METTL16: variants seen among roughly 807,000 people sequenced by gnomAD.
METTL16 encodes the protein RNA N(6)-adenosine-methyltransferase METTL16.
In METTL16, 19 loss-of-function variants were observed where a neutral mutation model predicts 57.9. The ratio of observed to expected loss-of-function variants is 0.33; its 90% confidence interval spans 0.23 to 0.48. The LOEUF is 0.48. Among genes scored for constraint, METTL16 ranks in the 20% least tolerant of loss-of-function variants. The pLI is 0.99. For synonymous variants in METTL16, 246 were observed against 255.6 expected (o/e 0.96, Z 0.36); for missense variants, 434 against 691.5 (o/e 0.63, Z 4.18).
At chr17:2,486,193 T>A (rs1192521690) in intron 2 of METTL16, among the ~76,000 whole-genome samples, 3 of 151,896 alleles carry the variant, frequency 2.0e-5, no homozygotes, top group Admixed American at 6.6e-5. Flanking sequence ...ATAATTAGAG[T>A]GACCATATAA....
rs376337997 is a variant in METTL16, at chr17:2,482,747, T to C, written c.129-4862A>G. On this transcript the variant is annotated intron_variant, in intron 2 of 9. Coordinates refer to ENST00000263092, the MANE Select transcript of METTL16 (RefSeq NM_024086.4). The stretch of plus-strand genomic sequence containing the variant: ...CATGGCGAAAGCCCGTCTCTACAAA[T>C]AGTACAAAAATTAGCTGGATGTGGA... Among the ~76,000 whole-genome samples the C allele has an allele frequency of 3.9e-5, 6 of 152,058 alleles. 1 individual carries two copies. In the East Asian group the frequency reaches 5.8e-4, roughly 15 times the overall value.
chr17:2,470,253 G>A (rs1334790812), intron 4 of METTL16, among the ~76,000 whole-genome samples: 1 of 151,608 alleles, frequency 6.6e-6, no homozygotes, highest in South Asian at 2.1e-4. Context: ...TCAGCACTAT[G>A]TTTAGGGACT....
rs557674881 is a variant in METTL16, at chr17:2,511,835, T to G, written c.-77A>C. The G allele has an allele frequency of 1.4e-4, 56 of 398,518 alleles. No individual in the cohort carries two copies. The highest frequency in any genetic ancestry group is 1.0e-3 in the Admixed American group (23 of 22,718). The allele number at this position is 398,518 out of a possible 1,614,324, so 24.7% of individuals were successfully genotyped here. ...ACCCTAGAATCTTAAAGCAGCCGCA[T>G]AGCGAAGCTCCTAGAAACGCAGATG... On this transcript the variant is annotated 5_prime_UTR_variant, in exon 1 of 10. The change abolishes an upstream ATG in the 5' untranslated region. Coordinates refer to ENST00000263092, the MANE Select transcript of METTL16 (RefSeq NM_024086.4).
At chr17:2,425,558 G>C (rs572364374) in intron 8 of METTL16, among the ~76,000 whole-genome samples, 2 of 152,198 alleles carry the variant, frequency 1.3e-5, no homozygotes, top group East Asian at 3.9e-4. Flanking sequence ...AATAAGAGAG[G>C]AACTGCAAGC....
At chr17:2,463,362 T>C (rs1413420224) in intron 6 of METTL16, among the ~76,000 whole-genome samples, 3 of 152,242 alleles carry the variant, frequency 2.0e-5, no homozygotes, top group African/African-American at 7.2e-5. Context: ...GTAATATACA[T>C]GATTACAGTA....
At chr17:2,439,813 A>C (rs2066934056) in intron 7 of METTL16, among the ~76,000 whole-genome samples, 1 of 152,150 alleles carries the variant, frequency 6.6e-6, no homozygotes, top group African/African-American at 2.4e-5. Context: ...AGCCCTAAAA[A>C]TATAAAACTT....
At chr17:2,475,741 T>A (rs578207709) in intron 3 of METTL16, among the ~76,000 whole-genome samples, 41 of 152,314 alleles carry the variant, frequency 2.7e-4, no homozygotes, top group Middle Eastern at 3.4e-3. Flanking sequence ...AAGTACATAA[T>A]GGTAGAATTA....
intron 4 of METTL16, among the ~76,000 whole-genome samples, chr17:2,468,661 G>T (rs1476468179): frequency 6.6e-6 from 1 of 152,204 alleles, no homozygotes. Flanking sequence ...CGGGAGAACT[G>T]CTTGAGACCA....
In METTL16 at chr17:2,451,555, A is replaced by G. The variant is rs933086711; in HGVS notation, c.729-9996T>C. Among the ~76,000 whole-genome samples the G allele has an allele frequency of 7.3e-5, 11 of 151,310 alleles. No individual in the cohort carries two copies. The East Asian group carries it at 7.8e-4, about 11-fold the overall frequency. The stretch of plus-strand genomic sequence containing the variant: ...AGAATCGCTTGAACCCAGGAGGCGG[A>G]GGTTGCAGTGAGCTGAGATGGTGGC... On this transcript the variant is annotated intron_variant, in intron 6 of 9. Transcript: ENST00000263092.
intron 3 of METTL16, 54 bp downstream of exon 3, chr17:2,477,632 T>G (rs567639677): frequency 7.5e-7 from 1 of 1,336,066 alleles, no homozygotes; most frequent in East Asian, 2.3e-5. Flanking sequence ...AAGAATTTGA[T>G]CTCGCAAAAC....
At chr17:2,491,602 A>C (rs2044169) in intron 2 of METTL16, among the ~76,000 whole-genome samples, 2 of 151,792 alleles carry the variant, frequency 1.3e-5, no homozygotes, top group Non-Finnish European at 2.9e-5. Flanking sequence ...TTGGCCGGGC[A>C]CGGTGGCTCA....
chr17:2,493,130 T>TTC (rs1491122270), intron 2 of METTL16, among the ~76,000 whole-genome samples: 2 of 98,338 alleles, frequency 2.0e-5, no homozygotes. Flanking sequence ...GTGATTCTTC[T>TTC]TTTTTTTTTT....
At chr17:2,488,565 A>C (rs966845136) in intron 2 of METTL16, among the ~76,000 whole-genome samples, 2 of 152,078 alleles carry the variant, frequency 1.3e-5, no homozygotes, top group Admixed American at 6.6e-5. Context: ...TTCCCCACCC[A>C]CCAAAAAAAC....
At chr17:2,502,949 G>A (rs563010486) in intron 1 of METTL16, among the ~76,000 whole-genome samples, 9 of 152,276 alleles carry the variant, frequency 5.9e-5, no homozygotes, top group African/African-American at 2.2e-4. Flanking sequence ...GAAACAACGA[G>A]TGTTCTGCAA....
chr17:2,433,873 T>A (rs962601768), intron 8 of METTL16, among the ~76,000 whole-genome samples: 2 of 152,106 alleles, frequency 1.3e-5, no homozygotes, highest in African/African-American at 4.8e-5. Context: ...CATAAAGCGG[T>A]CTTTGACTAG....
In METTL16 at chr17:2,505,021, T is replaced by C. The variant is rs2067519738; in HGVS notation, c.1-2690A>G. ...AGCTAAAACCAAATGAAAACGAACA[T>C]AATTTTGTCTTCTTCCAGATTACAA... is the stretch of plus-strand genomic sequence containing the variant. On this transcript the variant is annotated intron_variant, in intron 1 of 9. Transcript: ENST00000263092. Among the ~76,000 whole-genome samples, 4 of 152,316 alleles carry C rather than the reference T, an allele frequency of 2.6e-5. No individual in the cohort carries two copies. The South Asian group carries it at 8.3e-4, about 32-fold the overall frequency.
At chr17:2,460,152 A>G (rs1001960045) in intron 6 of METTL16, 2 of 152,308 alleles carry the variant, frequency 1.3e-5, no homozygotes, top group Admixed American at 6.5e-5. Flanking sequence ...GTTTCTTCTC[A>G]GTAAAAATCA....
chr17:2,476,837 TC>T (rs2067271738), intron 3 of METTL16, among the ~76,000 whole-genome samples: 1 of 151,832 alleles, frequency 6.6e-6, no homozygotes, highest in South Asian at 2.1e-4. Flanking sequence ...GCACCTGTAA[TC>T]CCAGCTACTT....
At position 2,467,838 on chromosome 17, in the gene METTL16, G is replaced by C; in HGVS notation, c.508C>G (p.Leu170Val). The C allele has an allele frequency of 1.2e-6, 2 of 1,614,158 alleles. No individual in the cohort carries two copies. Among genetic ancestry groups the C allele is most frequent in the Non-Finnish European group, 1.7e-6 (2 of 1,180,010 alleles). Residue 170 changes from leucine to valine, a missense_variant, in exon 5 of 10, where the codon CTT (leucine) becomes GTT (valine). This residue lies in a region of METTL16 where 118 missense variants were observed against 280.0 expected (regional missense o/e 0.42). Transcript: ENST00000263092. The stretch of plus-strand genomic sequence containing the variant: ...TAGATTATCTCAGATTCTTCTTTAA[G>C]AGCATCCATCAGGAGTGTCTTCTGT... ...VPQKTLLMDALKEESEIIYDF... is the reference protein window; with the variant it reads ...VPQKTLLMDAVKEESEIIYDF...
Sources: gnomAD v4.1 joint callset for allele counts (sites outside exome capture counted in the v4.1 genomes callset) on GRCh38, gnomAD v4.1.1 for gene constraint, gnomAD v4.1.1 regional missense constraint, MANE v1.5 for transcripts, NCBI Gene and HGNC (gene_info 2026-07-23, HGNC 2026-07-21) for gene names.